The following CAST variants were observed in gnomAD, a reference collection of about 807,000 sequenced individuals.
The protein encoded by CAST is MIR583 host.
In CAST, 76 loss-of-function variants were observed where a neutral mutation model predicts 119.6. The observed-to-expected ratio is 0.64, with a 90% CI of 0.53 to 0.77. The LOEUF (loss-of-function observed/expected upper bound fraction) is 0.77. CAST is among the 30% of genes least tolerant of loss of function. The pLI is 0.00. For missense variants in CAST, 953 were observed against 946.5 expected (o/e 1.01, Z -0.09); for synonymous variants, 319 against 331.6 (o/e 0.96, Z 0.41).
chr5:96,099,886 T>A, the CAST span, among the ~76,000 whole-genome samples: 1 of 152,222 alleles, frequency 6.6e-6, no homozygotes, highest in Non-Finnish European at 1.5e-5. Context: ...TTTTTTGGAA[T>A]AGTTTCAGTA....
the CAST span, among the ~76,000 whole-genome samples, chr5:96,223,676 T>C: frequency 6.6e-6 from 1 of 152,164 alleles, no homozygotes; most frequent in Non-Finnish European, 1.5e-5. Flanking sequence ...TGTGGTACTT[T>C]GTTATGGCAG....
the CAST span, among the ~76,000 whole-genome samples, chr5:96,140,386 T>G: frequency 6.6e-6 from 1 of 152,244 alleles, no homozygotes; most frequent in African/African-American, 2.4e-5. Context: ...GATATAAAAG[T>G]TATCATACTT....
the CAST span, among the ~76,000 whole-genome samples, chr5:96,440,213 T>G: frequency 6.6e-6 from 1 of 152,024 alleles, no homozygotes; most frequent in Non-Finnish European, 1.5e-5. Context: ...TCAGAAATCC[T>G]TAACTCTATA....
chr5:96,648,694 GAGA>G (rs1561439042), intron 1 of CAST, among the ~76,000 whole-genome samples: 2 of 147,552 alleles, frequency 1.4e-5, no homozygotes, highest in Admixed American at 6.9e-5. Flanking sequence ...GTGAAACTGG[GAGA>G]AGTTTTATTT....
chr5:96,168,819 T>C, the CAST span, among the ~76,000 whole-genome samples: 1 of 151,088 alleles, frequency 6.6e-6, no homozygotes, highest in Non-Finnish European at 1.5e-5. Flanking sequence ...CAACAAAGAG[T>C]GAGTATAGCT....
In CAST at chr5:96,595,959, A is replaced by G. The variant is rs183905979; in HGVS notation, c.60+66079A>G. Among the ~76,000 whole-genome samples the G allele has an allele frequency of 4.2e-3, 635 of 152,224 alleles. 4 individuals carry two copies. Among genetic ancestry groups the G allele is most frequent in the Non-Finnish European group, 5.5e-3 (377 of 67,996 alleles). On this transcript the variant is annotated intron_variant, in intron 1 of 11. Coordinates refer to the CAST transcript ENST00000505143. ...TGGATGTTCAAGGAAAAAATATTCA[A>G]TCCACTCAGGAGGGATATACTGAGC... is the stretch of plus-strand genomic sequence containing the variant.
the CAST span, among the ~76,000 whole-genome samples, chr5:96,008,183 T>A: frequency 6.6e-6 from 1 of 152,218 alleles, no homozygotes; most frequent in African/African-American, 2.4e-5. Context: ...GATGCAGACC[T>A]TCTCCAACTT....
chr5:96,357,822 T>G, the CAST span, among the ~76,000 whole-genome samples: 1 of 152,240 alleles, frequency 6.6e-6, no homozygotes, highest in African/African-American at 2.4e-5. Context: ...CAGGCTTTGG[T>G]ATCAGGATGA....
At chr5:96,728,476 T>G (rs1759711080) in intron 6 of CAST, 1 of 150,874 alleles carries the variant, frequency 6.6e-6, no homozygotes, top group Non-Finnish European at 1.5e-5. Context: ...GAAAGGAGTT[T>G]TTTTTTTTTT....
chr5:96,364,377 G>C, the CAST span, among the ~76,000 whole-genome samples: 6 of 152,088 alleles, frequency 3.9e-5, no homozygotes, highest in African/African-American at 1.4e-4. Flanking sequence ...CCCTCTTTTT[G>C]TATTGATTGG....
chr5:96,118,628 T>C, the CAST span, among the ~76,000 whole-genome samples: 1 of 151,536 alleles, frequency 6.6e-6, no homozygotes, highest in Non-Finnish European at 1.5e-5. Flanking sequence ...TTTGGAAATT[T>C]GCTTTTTTTT....
chr5:96,308,056 T>TTCA, the CAST span, among the ~76,000 whole-genome samples: 7 of 152,320 alleles, frequency 4.6e-5, no homozygotes, highest in East Asian at 1.4e-3. Context: ...TTTTCCAACT[T>TTCA]GGTTCCATTC....
At chr5:96,424,473 G>A in the CAST span, among the ~76,000 whole-genome samples, 3 of 152,158 alleles carry the variant, frequency 2.0e-5, no homozygotes, top group African/African-American at 4.8e-5. Context: ...ATGGATTTTG[G>A]CAAATTATTC....
chr5:96,151,203 A>G, the CAST span, among the ~76,000 whole-genome samples: 1 of 152,232 alleles, frequency 6.6e-6, no homozygotes, highest in Non-Finnish European at 1.5e-5. Context: ...ATCTAGAGAC[A>G]GGAAAGAACA....
intron 1 of CAST, among the ~76,000 whole-genome samples, chr5:96,635,958 C>A (rs188367655): frequency 7.9e-5 from 12 of 152,314 alleles, no homozygotes; most frequent in Admixed American, 2.0e-4. Flanking sequence ...TTGGAAATGT[C>A]AATTTCCATT....
chr5:96,028,027 A>C, the CAST span, among the ~76,000 whole-genome samples: 1 of 152,154 alleles, frequency 6.6e-6, no homozygotes, highest in Non-Finnish European at 1.5e-5. Flanking sequence ...AACACATTCC[A>C]ATTCAAATGA....
chr5:96,433,180 A>C, the CAST span: 1 of 814,504 alleles, frequency 1.2e-6, no homozygotes, highest in Non-Finnish European at 2.1e-6. Context: ...GCGAAGAGCT[A>C]GGAGGCGCGA....
At chr5:96,571,359 T>C (rs1475175389) in intron 1 of CAST, among the ~76,000 whole-genome samples, 1 of 152,222 alleles carries the variant, frequency 6.6e-6, no homozygotes, top group African/African-American at 2.4e-5. Flanking sequence ...CAGTAGAAAC[T>C]GCTCCACCCT....
At chr5:96,373,747 C>CTT in the CAST span, among the ~76,000 whole-genome samples, 9 of 148,190 alleles carry the variant, frequency 6.1e-5, no homozygotes, top group African/African-American at 2.0e-4. Flanking sequence ...TTTTTCTTCT[C>CTT]TTTTTTTTTT....
Sources: allele counts gnomAD v4.1 joint callset (sites outside exome capture counted in the v4.1 genomes callset), GRCh38; gene constraint gnomAD v4.1.1; transcripts MANE v1.5; gene names NCBI Gene and HGNC (gene_info 2026-07-23, HGNC 2026-07-21).